Variants in AFDN observed in about 807,000 individuals in gnomAD.
AFDN encodes afadin, adherens junction formation factor, also known as afadin.
In AFDN, 68 loss-of-function variants were observed where a neutral mutation model predicts 216.6. The ratio of observed to expected loss-of-function variants is 0.31; its 90% CI spans 0.26 to 0.38. The LOEUF (loss-of-function observed/expected upper bound fraction) is 0.38. AFDN is among the 10% of genes least tolerant of loss of function. AFDN has a pLI of 1.00. For synonymous variants in AFDN, 868 were observed against 853.7 expected, an observed-to-expected ratio of 1.02 and a Z score of -0.29; for missense variants, 2,136 against 2,342.0, an observed-to-expected ratio of 0.91 and a Z score of 1.82.
intron 30 of AFDN, chr6:167,954,437 TTCTTTC>T: frequency 1.3e-6 from 2 of 1,570,860 alleles, no homozygotes; most frequent in Non-Finnish European, 1.7e-6. Flanking sequence ...CTTTTTTTTT[TTCTTTC>T]TCTGTTACCT....
At chr6:167,913,906 G>T in intron 16 of AFDN, 2 of 480,172 alleles carry the variant, frequency 4.2e-6, no homozygotes, top group Non-Finnish European at 7.4e-6. Flanking sequence ...CCATTTCTCC[G>T]CTGATTCCAT....
At chr6:167,905,827 C>T (rs1234823628) in intron 12 of AFDN, among the ~76,000 whole-genome samples, 10 of 152,108 alleles carry the variant, frequency 6.6e-5, no homozygotes, top group African/African-American at 9.7e-5. Flanking sequence ...TCTTATGGGC[C>T]GGATGTGGTG....
intron 1 of AFDN, among the ~76,000 whole-genome samples, chr6:167,850,628 T>C (rs933754303): frequency 3.3e-5 from 5 of 149,322 alleles, no homozygotes; most frequent in Non-Finnish European, 7.6e-5. Context: ...ATCGTTCAAA[T>C]TTAGAACCTT....
rs778468118 is a variant in AFDN, at chr6:167,962,464, A to G, written c.4865A>G (p.Gln1622Arg). The change falls in exon 31 of 34, where the codon CAG (glutamine) becomes CGG (arginine). Residue 1622 changes from glutamine to arginine, a missense_variant. This residue lies in a region of AFDN where 981 missense variants were observed against 966.0 expected (regional missense o/e 1.02). Transcript: ENST00000683244. This position sits in a 1 kb window ranked among gnomAD's most constrained non-coding sequence, Gnocchi z 5.2. ...GACGAGGAGCGGAGGCGGCAGCAGCAGTTAGAAGAGATGCGCAAGCGGGAA... is the reference window on the plus strand; with the variant it reads ...GACGAGGAGCGGAGGCGGCAGCAGCGGTTAGAAGAGATGCGCAAGCGGGAA... ...LQDEERRRQQ[Q>R]LEEMRKREAE... is the part of the protein sequence containing the mutation. The G allele has an allele frequency of 3.7e-6, 6 of 1,613,782 alleles. No homozygotes were observed. The East Asian group carries it at 1.1e-4, about 30-fold the overall frequency.
chr6:167,870,890 C>A (rs1312854742), intron 3 of AFDN, among the ~76,000 whole-genome samples: 4 of 151,848 alleles, frequency 2.6e-5, no homozygotes, highest in East Asian at 3.9e-4. Context: ...TCATTTAAAA[C>A]GTTTTCATTA....
intron 1 of AFDN, among the ~76,000 whole-genome samples, chr6:167,862,500 T>C (rs1243393612): frequency 1.3e-5 from 2 of 151,984 alleles, no homozygotes; most frequent in East Asian, 1.9e-4. Flanking sequence ...CTCAGCCTCC[T>C]GAGTAGCTGA....
rs1348702630 is a variant in AFDN, at chr6:167,875,458, G to T, written c.702G>T (p.Met234Ile). 5.0e-6 allele frequency: 8 copies of T among 1,613,870 alleles called. No homozygotes were observed. The highest frequency in any genetic ancestry group is 6.8e-6 in the Non-Finnish European group (8 of 1,179,926). The stretch of plus-strand genomic sequence containing the variant: ...GGCAGCAAAAATTGGAAAAGAGAAT[G>T]CAGGAATTTCGGAGCTCAGATGGGC... ...RRRQQKLEKR[M>I]QEFRSSDGRP... The change falls in exon 5 of 34, where the codon ATG becomes ATT. Residue 234 changes from methionine to isoleucine, a missense_variant. Physicochemically the swap from Met to Ile is conservative, Grantham distance 10. Around this residue, in one of 8 missense-constraint regions of AFDN, gnomAD observed 817 missense variants for 965.7 expected, o/e 0.85. Transcript: ENST00000683244.
chr6:167,953,009 T>C (rs1422009741), intron 30 of AFDN, among the ~76,000 whole-genome samples: 1 of 152,242 alleles, frequency 6.6e-6, no homozygotes, highest in Non-Finnish European at 1.5e-5. Context: ...AAGACTTTGT[T>C]ACTCTATAAA....
At chr6:167,894,745 A>G (rs1248181594) in intron 9 of AFDN, among the ~76,000 whole-genome samples, 2 of 152,204 alleles carry the variant, frequency 1.3e-5, no homozygotes, top group African/African-American at 2.4e-5. Flanking sequence ...AGACTGAGAA[A>G]GCAGCTTCTG....
rs1223956102 is a variant in AFDN at position 167,970,294 on chromosome 6, C to G, written c.*359C>G. On this transcript the variant is annotated 3_prime_UTR_variant, in exon 34 of 34. Transcript: ENST00000683244. Reference sequence around the variant, plus strand: ...CTCCCATCTTCCCCTCATCATCGACCGAGGAGCACAAAGAAGTTCTGTTTC... The same window carrying G: ...CTCCCATCTTCCCCTCATCATCGACGGAGGAGCACAAAGAAGTTCTGTTTC... 3.7e-6 allele frequency: 1 copy of G among 267,802 alleles called. No homozygotes were observed. Among genetic ancestry groups the G allele is most frequent in the African/African-American group, 2.2e-5 (1 of 45,418 alleles). 16.6% of individuals were successfully genotyped at this position (267,802 alleles called of 1,614,324 possible). A position where few individuals can be genotyped will look rare whatever the true frequency, so the allele number is the denominator to read the frequency against.
At chr6:167,856,829 A>G (rs541807990) in intron 1 of AFDN, among the ~76,000 whole-genome samples, 3 of 152,100 alleles carry the variant, frequency 2.0e-5, no homozygotes, top group Admixed American at 6.6e-5. Context: ...ATATATGACA[A>G]ATATATTTAT....
Position 167,922,937 on chromosome 6 carries a change from T to C in AFDN, c.2990T>C (p.Leu997Pro). 6.2e-7 allele frequency: 1 copy of C among 1,612,882 alleles called. No individual in the cohort carries two copies. The highest frequency in any genetic ancestry group is 1.1e-5 in the South Asian group (1 of 90,958). Residue 997 changes from leucine to proline, a missense_variant, in exon 22 of 34, where the codon CTT becomes CCT. Coordinates refer to ENST00000683244, the MANE Select transcript of AFDN (RefSeq NM_001386888.1). ...GAAGGTGCAGATTATGAAAGTCACC[T>C]TCTGCGTGAGAACACAGAGCTGGCA... ...YFEGADYESH[L>P]LRENTELAQP...
intron 27 of AFDN, among the ~76,000 whole-genome samples, chr6:167,947,304 C>T (rs1048092496): frequency 2.6e-5 from 4 of 152,036 alleles, no homozygotes; most frequent in Admixed American, 2.0e-4. Flanking sequence ...CTTAGCTTCC[C>T]GAGTGGCTGG....
chr6:167,870,951 T>C (rs1340212557), intron 3 of AFDN, among the ~76,000 whole-genome samples: 1 of 152,200 alleles, frequency 6.6e-6, no homozygotes, highest in Non-Finnish European at 1.5e-5. Flanking sequence ...AATAGAGTGA[T>C]TCTACAACTT....
At chr6:167,844,872 G>GTTTTTTTTTTTTTTTTTTTTTTTTTT (rs1289118837) in intron 1 of AFDN, among the ~76,000 whole-genome samples, 1 of 137,402 alleles carries the variant, frequency 7.3e-6, no homozygotes. Flanking sequence ...TTTTTTTTTG[G>GTTTTTTTTTTTTTTTTTTTTTTTTTT]TTTTTGAGAC....
chr6:167,857,379 A>G (rs186371736), intron 1 of AFDN, among the ~76,000 whole-genome samples: 7 of 152,206 alleles, frequency 4.6e-5, no homozygotes, highest in Admixed American at 1.3e-4. Flanking sequence ...GATCTAAAAT[A>G]ATTAGATGAA....
At chr6:167,850,881 T>TTGTG (rs35799397) in intron 1 of AFDN, among the ~76,000 whole-genome samples, 17 of 151,298 alleles carry the variant, frequency 1.1e-4, no homozygotes, top group Non-Finnish European at 1.8e-4. Flanking sequence ...TAATTTTTTA[T>TTGTG]TGTGTGTGTG....
At chr6:167,847,650 A>G (rs1442089988) in intron 1 of AFDN, among the ~76,000 whole-genome samples, 1 of 152,172 alleles carries the variant, frequency 6.6e-6, no homozygotes, top group African/African-American at 2.4e-5. Context: ...AAATATTTTT[A>G]TAATTTAACC....
At position 167,945,060 on chromosome 6, in the gene AFDN, T is replaced by C. The variant is rs536712502; in HGVS notation, c.3358+1001T>C. Among the ~76,000 whole-genome samples, 571 of 152,244 alleles carry C rather than the reference T, an allele frequency of 3.8e-3. 6 individuals carry two copies. Among genetic ancestry groups the C allele is most frequent in the Non-Finnish European group, 3.0e-3 (203 of 68,018 alleles). On this transcript the variant is annotated intron_variant, in intron 26 of 33. Coordinates refer to ENST00000683244, the MANE Select transcript of AFDN (RefSeq NM_001386888.1). ...ATAAAATTTTAAATTAAAAAAAACCTTTTGACTCTTTTGTAGTAACACTTG... is the reference window on the plus strand; with the variant it reads ...ATAAAATTTTAAATTAAAAAAAACCCTTTGACTCTTTTGTAGTAACACTTG...
Sources: gnomAD v4.1 joint callset for allele counts (sites outside exome capture counted in the v4.1 genomes callset) on GRCh38, gnomAD v4.1.1 for gene constraint, gnomAD v4.1.1 regional missense constraint, Gnocchi (gnomAD v3.1) non-coding constraint, MANE v1.5 for transcripts, NCBI Gene and HGNC (gene_info 2026-07-23, HGNC 2026-07-21) for gene names.